The following EXOC4 variants were observed in gnomAD, a reference collection of about 807,000 sequenced individuals.
EXOC4 encodes exocyst complex component 4.
A neutral mutation model predicts 107.2 loss-of-function variants in EXOC4; 71 were observed. The observed-to-expected ratio is 0.66, with a 90% CI of 0.55 to 0.81. EXOC4 has a LOEUF of 0.81. EXOC4 is among the 30% of genes least tolerant of loss of function. The pLI, the probability that EXOC4 is intolerant of heterozygous loss-of-function variation, is 0.00. For synonymous variants in EXOC4, 456 were observed against 441.2 expected (o/e 1.03, Z -0.42); for missense variants, 1,108 against 1,189.6 (o/e 0.93, Z 1.01).
chr7:133,565,331 G>A (rs1482355982), intron 9 of EXOC4, among the ~76,000 whole-genome samples: 1 of 152,078 alleles, frequency 6.6e-6, no homozygotes, highest in Non-Finnish European at 1.5e-5. Flanking sequence ...CTCCTCATGG[G>A]GTTATGATCA....
At chr7:133,573,488 G>T (rs974099061) in intron 9 of EXOC4, among the ~76,000 whole-genome samples, 2 of 152,170 alleles carry the variant, frequency 1.3e-5, no homozygotes, top group African/African-American at 2.4e-5. Context: ...GGCCCATTTA[G>T]TTGAGGTATC....
chr7:133,547,069 A>G (rs746891193), intron 9 of EXOC4, among the ~76,000 whole-genome samples: 1 of 152,170 alleles, frequency 6.6e-6, no homozygotes, highest in Non-Finnish European at 1.5e-5. Context: ...TTAATCCACT[A>G]AACTTTATTA....
At chr7:133,860,641 T>C (rs1024828983) in intron 11 of EXOC4, among the ~76,000 whole-genome samples, 1 of 152,202 alleles carries the variant, frequency 6.6e-6, no homozygotes, top group African/African-American at 2.4e-5. Context: ...TAGCTAAATA[T>C]CCCGTATAGA....
chr7:134,044,576 A>C (rs1348528558), intron 17 of EXOC4, among the ~76,000 whole-genome samples: 1 of 152,140 alleles, frequency 6.6e-6, no homozygotes, highest in African/African-American at 2.4e-5. Flanking sequence ...AACAGCGTCA[A>C]CTCAACTGAG....
intron 9 of EXOC4, among the ~76,000 whole-genome samples, chr7:133,520,991 G>A (rs993561391): frequency 3.9e-5 from 6 of 152,108 alleles, no homozygotes; most frequent in African/African-American, 1.4e-4. Flanking sequence ...ATAAAGGGAG[G>A]GATGTTATGT....
rs143580180 is a variant in EXOC4 at position 133,649,000 on chromosome 7, A to C, written c.1514+18859A>C. On this transcript the variant is annotated intron_variant, in intron 10 of 17. Transcript: ENST00000253861. ...ATTTTGTCGATGGTGGATTGCACTG[A>C]AGCTTGAGTAGACTTTTTTGGTAGT... 1.2e-3 allele frequency among the ~76,000 whole-genome samples: 188 copies of C among 152,312 alleles called. 1 individual carries two copies. Among genetic ancestry groups the C allele is most frequent in the African/African-American group, 4.3e-3 (179 of 41,572 alleles).
intron 10 of EXOC4, among the ~76,000 whole-genome samples, chr7:133,712,134 G>T (rs957843432): frequency 6.6e-6 from 1 of 152,046 alleles, no homozygotes; most frequent in Non-Finnish European, 1.5e-5. Flanking sequence ...GTCTTGCCAG[G>T]ACATTAAAAA....
chr7:133,726,517 T>C (rs1487430757), intron 10 of EXOC4, among the ~76,000 whole-genome samples: 1 of 152,218 alleles, frequency 6.6e-6, no homozygotes, highest in Admixed American at 6.5e-5. Flanking sequence ...GACCAGGAAT[T>C]TGTATTTTAA....
In EXOC4 at chr7:133,509,137, T is replaced by G. The variant is rs182875650; in HGVS notation, c.1417+28999T>G. Among the ~76,000 whole-genome samples the G allele has an allele frequency of 1.7e-3, 266 of 152,220 alleles. 1 individual carries two copies. The highest frequency in any genetic ancestry group is 6.0e-3 in the African/African-American group (249 of 41,562). The stretch of plus-strand genomic sequence containing the variant: ...GCAGTTGGGTGCAACCATTGAAATA[T>G]AAGCAGAGGGGCCGGGCACTGTGGC... On this transcript the variant is annotated intron_variant, in intron 9 of 17. Coordinates refer to ENST00000253861, the MANE Select transcript of EXOC4 (RefSeq NM_021807.4).
intron 10 of EXOC4, among the ~76,000 whole-genome samples, chr7:133,651,979 C>G (rs1010387759): frequency 3.3e-5 from 5 of 152,150 alleles, no homozygotes; most frequent in Non-Finnish European, 7.3e-5. Flanking sequence ...CACGCCCTGC[C>G]GTAACTCAAA....
At chr7:133,973,155 C>CT (rs1011800269) in intron 14 of EXOC4, among the ~76,000 whole-genome samples, 48 of 152,294 alleles carry the variant, frequency 3.2e-4, no homozygotes, top group African/African-American at 1.1e-3. Context: ...AAGACCCAGC[C>CT]TCTGCCTACA....
intron 11 of EXOC4, among the ~76,000 whole-genome samples, chr7:133,859,316 A>G (rs1291462427): frequency 6.6e-6 from 1 of 152,140 alleles, no homozygotes; most frequent in Non-Finnish European, 1.5e-5. Flanking sequence ...TACCTCACCC[A>G]GAGAGCTTTT....
chr7:133,662,682 T>A (rs1036624381), intron 10 of EXOC4, among the ~76,000 whole-genome samples: 1 of 152,106 alleles, frequency 6.6e-6, no homozygotes, highest in African/African-American at 2.4e-5. Context: ...CCATTCCTCC[T>A]CTTTTCTAAA....
intron 10 of EXOC4, among the ~76,000 whole-genome samples, chr7:133,721,657 A>T (rs1585102133): frequency 1.3e-5 from 2 of 152,292 alleles, no homozygotes; most frequent in African/African-American, 2.4e-5. Flanking sequence ...GTCTCTTTTC[A>T]TGTAGTCATG....
intron 10 of EXOC4, among the ~76,000 whole-genome samples, chr7:133,724,415 T>C (rs183918463): frequency 6.5e-4 from 99 of 152,342 alleles, no homozygotes; most frequent in African/African-American, 2.3e-3. Flanking sequence ...GCTGGGTGTT[T>C]TCATTCATAA....
chr7:133,293,917 A>G (rs1794462077), intron 3 of EXOC4, among the ~76,000 whole-genome samples: 1 of 152,212 alleles, frequency 6.6e-6, no homozygotes, highest in African/African-American at 2.4e-5. Context: ...CTTTGCAGTC[A>G]TTGTGCTGGG....
chr7:133,257,308 A>G (rs1795040657), intron 1 of EXOC4, among the ~76,000 whole-genome samples: 2 of 152,126 alleles, frequency 1.3e-5, no homozygotes, highest in Non-Finnish European at 1.5e-5. Context: ...ACACACACAG[A>G]CACACACCTA....
chr7:133,506,826 T>G (rs1799674985), intron 9 of EXOC4, among the ~76,000 whole-genome samples: 1 of 152,122 alleles, frequency 6.6e-6, no homozygotes, highest in Admixed American at 6.5e-5. Flanking sequence ...GTTTAGCATA[T>G]TTTTTGCATT....
At chr7:133,529,817 G>A (rs1172466025) in intron 9 of EXOC4, among the ~76,000 whole-genome samples, 1 of 152,046 alleles carries the variant, frequency 6.6e-6, no homozygotes, top group Non-Finnish European at 1.5e-5. Context: ...TTATATCTAG[G>A]TCATCATTTT....
Sources: gnomAD v4.1 joint callset for allele counts (sites outside exome capture counted in the v4.1 genomes callset) on GRCh38, gnomAD v4.1.1 for gene constraint, MANE v1.5 for transcripts, NCBI Gene and HGNC (gene_info 2026-07-23, HGNC 2026-07-21) for gene names.